The following BDKRB2 variants were observed in gnomAD, a reference collection of about 807,000 sequenced individuals.
BDKRB2 encodes the protein B2 bradykinin receptor.
Under a neutral mutation model 4.0 loss-of-function variants are expected in BDKRB2, and 6 were observed. The ratio of observed to expected loss-of-function variants is 1.49; its 90% confidence interval spans 0.81 to 2.93. The LOEUF (loss-of-function observed/expected upper bound fraction) is 2.93. Ranked by LOEUF, BDKRB2 falls within the 30% of genes most tolerant of loss-of-function variation. The pLI is 0.00. For synonymous variants in BDKRB2, 225 were observed against 215.3 expected (o/e 1.05, Z -0.40); for missense variants, 478 against 520.1 (o/e 0.92, Z 0.79).
chr14:96,237,318 T>A (rs978939330), intron 2 of BDKRB2, 137 bp downstream of exon 2: 1 of 796,046 alleles, frequency 1.3e-6, no homozygotes, highest in African/African-American at 1.7e-5. Context: ...AGACAAAACC[T>A]CTCAGGTGTC....
chr14:96,243,843 GAAA>G lies in BDKRB2; in HGVS notation c.*2350_*2352del, dbSNP rs146288764. Reference sequence around the variant, plus strand: ...TCAAACTGTGCCACACATGGTGAATGAAAAAAAAAAAAAGAGGCTGTGTTTTGT... The same window carrying G: ...TCAAACTGTGCCACACATGGTGAATGAAAAAAAAAAGAGGCTGTGTTTTGT... On this transcript the variant is annotated 3_prime_UTR_variant, in exon 3 of 3. Transcript: ENST00000554311. 33 of 201,656 alleles carry G rather than the reference GAAA, an allele frequency of 1.6e-4. No individual in the cohort carries two copies. The highest frequency in any genetic ancestry group is 1.7e-3 in the Middle Eastern group (1 of 602). The allele number at this position is 201,656 out of a possible 1,614,324, so 12.5% of individuals were successfully genotyped here.
chr14:96,223,229 C>G (rs187573696), intron 1 of BDKRB2: 3 of 1,091,364 alleles, frequency 2.7e-6, no homozygotes, highest in Non-Finnish European at 2.8e-6. Flanking sequence ...ATGTCTGAAT[C>G]TGAATGGAGG....
At chr14:96,223,129 T>C (rs1381271902) in intron 1 of BDKRB2, 4 of 1,286,136 alleles carry the variant, frequency 3.1e-6, no homozygotes, top group Non-Finnish European at 4.5e-6. Context: ...ACAAATTCAC[T>C]ATTCGGACAG....
At chr14:96,229,924 CAA>C (rs1200082649) in intron 1 of BDKRB2, among the ~76,000 whole-genome samples, 1 of 151,792 alleles carries the variant, frequency 6.6e-6, no homozygotes, top group African/African-American at 2.4e-5. Context: ...GTCAGGAGAT[CAA>C]GACCATCCTG....
In BDKRB2 at chr14:96,242,110, C is replaced by A. The variant is rs978846898; in HGVS notation, c.*606C>A. 1.3e-5 allele frequency: 2 copies of A among 152,436 alleles called. No homozygotes were observed. Among genetic ancestry groups the A allele is most frequent in the Non-Finnish European group, 2.9e-5 (2 of 68,274 alleles). 9.4% of individuals were successfully genotyped at this position (152,436 alleles called of 1,614,324 possible). ...GAATCCAATAAGCACATATTGAGCA[C>A]TTGCTGTATATGCAGTATTGAGCAC... On this transcript the variant is annotated 3_prime_UTR_variant, in exon 3 of 3. Coordinates refer to ENST00000554311, the MANE Select transcript of BDKRB2 (RefSeq NM_001379692.1).
At chr14:96,209,818 A>G (rs1331562294) in intron 1 of BDKRB2, among the ~76,000 whole-genome samples, 3 of 152,142 alleles carry the variant, frequency 2.0e-5, no homozygotes, top group Admixed American at 6.5e-5. Flanking sequence ...CAACATGGTG[A>G]AACCCTGTCT....
At chr14:96,226,033 G>T (rs1305113093) in intron 1 of BDKRB2, among the ~76,000 whole-genome samples, 1 of 152,224 alleles carries the variant, frequency 6.6e-6, no homozygotes, top group East Asian at 1.9e-4. Flanking sequence ...AGCCTGAGCT[G>T]TTCCTTAGGA....
At chr14:96,235,066 A>T (rs1890900219) in intron 1 of BDKRB2, among the ~76,000 whole-genome samples, 1 of 152,166 alleles carries the variant, frequency 6.6e-6, no homozygotes, top group Admixed American at 6.5e-5. Flanking sequence ...GAATGCTTTA[A>T]GCCGGGTGCA....
chr14:96,230,934 T>TA (rs1402591429), intron 1 of BDKRB2, among the ~76,000 whole-genome samples: 1 of 142,120 alleles, frequency 7.0e-6, no homozygotes, highest in East Asian at 2.0e-4. Flanking sequence ...TATTTATTTA[T>TA]TTTTTTTTTA....
intron 1 of BDKRB2, among the ~76,000 whole-genome samples, chr14:96,233,052 A>G (rs1434270428): frequency 6.6e-6 from 1 of 151,938 alleles, no homozygotes; most frequent in Non-Finnish European, 1.5e-5. Context: ...TTTGAGACAG[A>G]GTCTCGCTCT....
chr14:96,239,923 A>G, intron 2 of BDKRB2: 1 of 985,956 alleles, frequency 1.0e-6, no homozygotes, highest in Non-Finnish European at 1.2e-6. Flanking sequence ...TGGGCTGGCC[A>G]TGGTCTCCAA....
At chr14:96,239,733 C>T (rs1176574660) in intron 2 of BDKRB2, 1 of 964,618 alleles carries the variant, frequency 1.0e-6, no homozygotes, top group Non-Finnish European at 1.2e-6. Flanking sequence ...AAGTAACTTC[C>T]CCAGCGTCAC....
chr14:96,232,556 C>A (rs1890841347), intron 1 of BDKRB2, among the ~76,000 whole-genome samples: 1 of 152,172 alleles, frequency 6.6e-6, no homozygotes, highest in Non-Finnish European at 1.5e-5. Context: ...AAATGAGTAT[C>A]ACTTATCATA....
At chr14:96,206,296 C>T (rs1250186058) in intron 1 of BDKRB2, among the ~76,000 whole-genome samples, 3 of 152,132 alleles carry the variant, frequency 2.0e-5, no homozygotes, top group Non-Finnish European at 4.4e-5. Context: ...ACAGGCAGCA[C>T]CCCAGGCCTC....
At chr14:96,226,247 A>G (rs1294824323) in intron 1 of BDKRB2, among the ~76,000 whole-genome samples, 1 of 152,166 alleles carries the variant, frequency 6.6e-6, no homozygotes, top group African/African-American at 2.4e-5. Context: ...CTCCACCCCC[A>G]CTACCCCTCT....
intron 1 of BDKRB2, among the ~76,000 whole-genome samples, chr14:96,213,391 T>C (rs756014701): frequency 6.6e-6 from 1 of 152,100 alleles, no homozygotes; most frequent in Non-Finnish European, 1.5e-5. Context: ...CAGAGGACAC[T>C]GGGACAGTCA....
At chr14:96,220,484 T>C (rs564944327) in intron 1 of BDKRB2, among the ~76,000 whole-genome samples, 1 of 152,130 alleles carries the variant, frequency 6.6e-6, no homozygotes, top group South Asian at 2.1e-4. Context: ...TTGGGAGAAG[T>C]GGAGGCTTGG....
rs1464178755 is a variant in BDKRB2, at chr14:96,240,833, C to T, written c.505C>T (p.Arg169Cys). 2.6e-6 allele frequency: 4 copies of T among 1,558,540 alleles called. No homozygotes were observed. Among genetic ancestry groups the T allele is most frequent in the East Asian group, 2.2e-5 (1 of 44,538 alleles). Residue 169 changes from arginine to cysteine, a missense_variant, in exon 3 of 3, where the codon CGC (arginine) becomes TGC (cysteine). Physicochemically the swap from Arg to Cys is radical, Grantham distance 180 (BLOSUM62 -3). Transcript: ENST00000554311. ...GAAAACCATGTCCATGGGCCGGATG[C>T]GCGGCGTGCGCTGGGCCAAGCTCTA... ...LVKTMSMGRM[R>C]GVRWAKLYSL...
chr14:96,224,437 C>A (rs950944564), intron 1 of BDKRB2, among the ~76,000 whole-genome samples: 8 of 152,152 alleles, frequency 5.3e-5, no homozygotes, highest in Non-Finnish European at 8.8e-5. Context: ...AGGGGTTTCT[C>A]TGTAATGTGC....
Sources: allele counts gnomAD v4.1 joint callset (sites outside exome capture counted in the v4.1 genomes callset), GRCh38; gene constraint gnomAD v4.1.1; transcripts MANE v1.5; gene names NCBI Gene and HGNC (gene_info 2026-07-23, HGNC 2026-07-21).